The following GPC5 variants were observed in gnomAD, a reference collection of about 807,000 sequenced individuals.
GPC5 encodes glypican-5.
In GPC5, 47 loss-of-function variants were observed where a neutral mutation model predicts 53.9. The observed-to-expected ratio is 0.87, with a 90% CI of 0.69 to 1.11. The LOEUF is 1.11. Among genes scored for constraint, GPC5 ranks in the 50% most tolerant of loss-of-function variants. GPC5 has a pLI of 0.00. For synonymous variants in GPC5, 286 were observed against 263.3 expected (o/e 1.09, Z -0.84); for missense variants, 748 against 713.1 (o/e 1.05, Z -0.56).
intron 6 of GPC5, among the ~76,000 whole-genome samples, chr13:91,987,825 A>G (rs1487606942): frequency 1.4e-5 from 2 of 145,566 alleles, no homozygotes; most frequent in East Asian, 3.9e-4. Flanking sequence ...TAGTATTTAT[A>G]TTATATATAA....
intron 7 of GPC5, among the ~76,000 whole-genome samples, chr13:92,297,347 A>G (rs1268007636): frequency 6.7e-6 from 1 of 149,762 alleles, no homozygotes; most frequent in African/African-American, 2.5e-5. Context: ...TAAACACACC[A>G]ATCAGCACCC....
chr13:91,526,408 T>A (rs1289680028), intron 2 of GPC5, among the ~76,000 whole-genome samples: 3 of 152,138 alleles, frequency 2.0e-5, no homozygotes, highest in Non-Finnish European at 2.9e-5. Flanking sequence ...TGAGTACTGG[T>A]CTGTTGAAAT....
chr13:92,170,648 C>A (rs1006595587), intron 7 of GPC5, among the ~76,000 whole-genome samples: 2 of 151,994 alleles, frequency 1.3e-5, no homozygotes, highest in Admixed American at 6.6e-5. Flanking sequence ...TGGTTTTGAA[C>A]TCGTGACCTC....
intron 7 of GPC5, among the ~76,000 whole-genome samples, chr13:92,743,259 A>C (rs1299891709): frequency 2.6e-5 from 4 of 151,700 alleles, no homozygotes; most frequent in African/African-American, 9.7e-5. Context: ...CTTTTATTTC[A>C]TTGAGCAGTG....
intron 2 of GPC5, among the ~76,000 whole-genome samples, chr13:91,594,386 TCTGTTTGCCTTTGATAGAA>T (rs1274820134): frequency 4.6e-5 from 7 of 152,228 alleles, no homozygotes. Context: ...CTTGTGTATT[TCTGTTTGCCTTTGATAGAA>T]AACAGAAATG....
At chr13:92,042,720 C>A (rs537793289) in intron 6 of GPC5, among the ~76,000 whole-genome samples, 1 of 151,864 alleles carries the variant, frequency 6.6e-6, no homozygotes, top group South Asian at 2.1e-4. Context: ...GTGACTCATG[C>A]GCAAGAAAAA....
chr13:92,259,042 T>G (rs189781617), intron 7 of GPC5, among the ~76,000 whole-genome samples: 1 of 152,312 alleles, frequency 6.6e-6, no homozygotes, highest in East Asian at 1.9e-4. Flanking sequence ...GAGTATAAAA[T>G]TACAATGCTG....
rs529430386 is a variant in GPC5 at position 92,514,674 on chromosome 13, C to T, written c.1562-351608C>T. 2.6e-4 allele frequency among the ~76,000 whole-genome samples: 40 copies of T among 152,274 alleles called. No homozygotes were observed. In the South Asian group the frequency reaches 6.0e-3, roughly 23 times the overall value. On this transcript the variant is annotated intron_variant, in intron 7 of 7. Coordinates refer to ENST00000377067, the MANE Select transcript of GPC5 (RefSeq NM_004466.6). Reference sequence around the variant, plus strand: ...CAGAGCCTGCCCATTCGCCACAGTGCTATATGGCCTTCAAGAGAAATGAGC... The same window carrying T: ...CAGAGCCTGCCCATTCGCCACAGTGTTATATGGCCTTCAAGAGAAATGAGC...
At chr13:92,374,782 A>T (rs1042789979) in intron 7 of GPC5, among the ~76,000 whole-genome samples, 2 of 149,810 alleles carry the variant, frequency 1.3e-5, no homozygotes, top group Non-Finnish European at 3.0e-5. Flanking sequence ...GCAGCGCACC[A>T]GCATGGCACA....
chr13:92,324,025 C>T (rs1378172177), intron 7 of GPC5, among the ~76,000 whole-genome samples: 1 of 151,896 alleles, frequency 6.6e-6, no homozygotes, highest in Non-Finnish European at 1.5e-5. Flanking sequence ...TAAATACTAA[C>T]ATCCTCCTTT....
At chr13:92,553,243 T>A (rs941676191) in intron 7 of GPC5, among the ~76,000 whole-genome samples, 19 of 152,016 alleles carry the variant, frequency 1.2e-4, no homozygotes, top group African/African-American at 4.6e-4. Flanking sequence ...TAGCCCATCA[T>A]ATCCAATATG....
intron 6 of GPC5, among the ~76,000 whole-genome samples, chr13:91,941,923 A>ACC (rs2039930936): frequency 6.6e-6 from 1 of 152,164 alleles, no homozygotes; most frequent in South Asian, 2.1e-4. Flanking sequence ...AATTGTGCAT[A>ACC]TTCAAGTTGT....
chr13:92,442,004 T>A (rs1877592294), intron 7 of GPC5, among the ~76,000 whole-genome samples: 1 of 152,186 alleles, frequency 6.6e-6, no homozygotes, highest in Non-Finnish European at 1.5e-5. Flanking sequence ...ATATGCATTA[T>A]TTAAGAGGCA....
chr13:92,267,000 A>G lies in GPC5; in HGVS notation c.1561+122011A>G, dbSNP rs550985536. On this transcript the variant is annotated intron_variant, in intron 7 of 7. Coordinates refer to ENST00000377067, the MANE Select transcript of GPC5 (RefSeq NM_004466.6). ...GTCCTCCCACCAAAACTTTATTTCT[A>G]CAAATATCAGAGCTATTTTTTCTTT... Among the ~76,000 whole-genome samples the G allele has an allele frequency of 2.6e-5, 4 of 152,160 alleles. No individual in the cohort carries two copies. In the South Asian group the frequency reaches 8.3e-4, roughly 32 times the overall value.
chr13:91,952,246 G>T (rs75082220), intron 6 of GPC5, among the ~76,000 whole-genome samples: 3,230 of 151,790 alleles, frequency 0.021, 102 homozygotes, highest in African/African-American at 0.074. Flanking sequence ...GCACTGCAGT[G>T]GTTACTTTAG....
intron 6 of GPC5, among the ~76,000 whole-genome samples, chr13:92,005,580 A>T (rs2040599288): frequency 2.0e-5 from 3 of 152,164 alleles, no homozygotes; most frequent in Admixed American, 1.3e-4. Flanking sequence ...GCTATTTACA[A>T]ATATTTGTGT....
At chr13:92,676,760 A>C (rs543961274) in intron 7 of GPC5, among the ~76,000 whole-genome samples, 1 of 152,184 alleles carries the variant, frequency 6.6e-6, no homozygotes, top group Non-Finnish European at 1.5e-5. Flanking sequence ...TATGAAAACT[A>C]TTTACTAAAG....
At chr13:91,656,747 T>A (rs2034854526) in intron 2 of GPC5, among the ~76,000 whole-genome samples, 1 of 152,184 alleles carries the variant, frequency 6.6e-6, no homozygotes, top group Non-Finnish European at 1.5e-5. Context: ...CTTTGAAGTA[T>A]TAATTTTTGG....
At chr13:91,647,459 A>T (rs931790636) in intron 2 of GPC5, among the ~76,000 whole-genome samples, 1 of 152,110 alleles carries the variant, frequency 6.6e-6, no homozygotes, top group Admixed American at 6.6e-5. Flanking sequence ...CAGACCTCCA[A>T]CTCCAGCAAG....
Sources: allele counts gnomAD v4.1 joint callset (sites outside exome capture counted in the v4.1 genomes callset), GRCh38; gene constraint gnomAD v4.1.1; transcripts MANE v1.5; gene names NCBI Gene and HGNC (gene_info 2026-07-23, HGNC 2026-07-21).